Variants in NFASC observed in about 807,000 individuals in gnomAD.
NFASC encodes neurofascin.
A neutral mutation model predicts 147.5 loss-of-function variants in NFASC; 43 were observed. The ratio of observed to expected loss-of-function variants is 0.29; its 90% CI spans 0.23 to 0.38. The LOEUF (loss-of-function observed/expected upper bound fraction) is 0.38, where lower values mean the gene tolerates loss of function less well. Among genes scored for constraint, NFASC ranks in the 10% least tolerant of loss-of-function variants. The pLI is 1.00. For synonymous variants in NFASC, 622 were observed against 665.5 expected (o/e 0.93, Z 1.01); for missense variants, 1,320 against 1,689.0 (o/e 0.78, Z 3.83).
intron 1 of NFASC, among the ~76,000 whole-genome samples, chr1:204,837,734 C>T (rs1054182157): frequency 1.3e-5 from 2 of 151,988 alleles, no homozygotes; most frequent in Non-Finnish European, 2.9e-5. Flanking sequence ...AAAGTAACGC[C>T]GGGGAATGCT....
intron 2 of NFASC, among the ~76,000 whole-genome samples, chr1:204,943,557 C>T (rs942255206): frequency 2.6e-5 from 4 of 152,332 alleles, no homozygotes; most frequent in South Asian, 2.1e-4. Flanking sequence ...AAAATACTTG[C>T]AGAAATCATT....
chr1:204,959,305 G>A (rs1388897107), intron 8 of NFASC, among the ~76,000 whole-genome samples: 1 of 152,156 alleles, frequency 6.6e-6, no homozygotes, highest in East Asian at 1.9e-4. Flanking sequence ...CAAGCCCCTC[G>A]AGTTCCTGGC....
At chr1:204,994,455 C>T (rs775651492) in intron 24 of NFASC, among the ~76,000 whole-genome samples, 196 of 152,286 alleles carry the variant, frequency 1.3e-3, no homozygotes, top group Admixed American at 9.8e-4. Context: ...GTGCCCCCAG[C>T]TATGGCCCTG....
chr1:204,878,342 A>G (rs911583781), intron 1 of NFASC, among the ~76,000 whole-genome samples: 1 of 152,174 alleles, frequency 6.6e-6, no homozygotes, highest in African/African-American at 2.4e-5. Context: ...CACCAACTAA[A>G]TATTAGTAAA....
At chr1:204,966,102 G>C (rs895103505) in intron 8 of NFASC, among the ~76,000 whole-genome samples, 4 of 152,006 alleles carry the variant, frequency 2.6e-5, no homozygotes, top group African/African-American at 7.3e-5. Flanking sequence ...TTGAACTTTG[G>C]CTTGTTTCCA....
chr1:204,977,660 T>G, intron 16 of NFASC, 21 bp from the exon 17 acceptor site: 2 of 1,606,658 alleles, frequency 1.2e-6, no homozygotes, highest in Non-Finnish European at 1.7e-6. Context: ...CTAACCTGGA[T>G]AACCCGTCTT....
intron 22 of NFASC, among the ~76,000 whole-genome samples, chr1:204,988,419 TGAA>T (rs2095658730): frequency 6.6e-6 from 1 of 152,200 alleles, no homozygotes; most frequent in Non-Finnish European, 1.5e-5. Flanking sequence ...ACAGGATCAG[TGAA>T]GAAGGATTAA....
intron 27 of NFASC, among the ~76,000 whole-genome samples, chr1:205,008,262 G>C (rs530533917): frequency 6.6e-6 from 1 of 152,316 alleles, no homozygotes; most frequent in South Asian, 2.1e-4. Context: ...AGGAGCAAAG[G>C]GTGGGCTTGC....
intron 1 of NFASC, among the ~76,000 whole-genome samples, chr1:204,861,630 C>T (rs546310111): frequency 5.9e-5 from 9 of 152,290 alleles, no homozygotes; most frequent in South Asian, 4.1e-4. Context: ...GCTGGGACTA[C>T]AGGCTCCTGC....
At position 204,975,695 on chromosome 1, in the gene NFASC, C is replaced by G. The variant is rs138096055; in HGVS notation, c.1706+277C>G. Among the ~76,000 whole-genome samples the G allele has an allele frequency of 4.6e-5, 7 of 152,266 alleles. No individual in the cohort carries two copies. Among genetic ancestry groups the G allele is most frequent in the Admixed American group, 1.3e-4 (2 of 15,302 alleles). On this transcript the variant is annotated intron_variant, in intron 15 of 29. Transcript: ENST00000339876. The surrounding 1 kb of genome is among the most constrained non-coding windows in gnomAD (Gnocchi z 4.0). ...TCTTCTCAATCTCTTCACTTCTCCTCTCCCTGTCTCCCCTCACTTCGCCTC... is the reference window on the plus strand; with the variant it reads ...TCTTCTCAATCTCTTCACTTCTCCTGTCCCTGTCTCCCCTCACTTCGCCTC...
At chr1:204,836,101 T>C (rs1331382660) in intron 1 of NFASC, among the ~76,000 whole-genome samples, 1 of 152,172 alleles carries the variant, frequency 6.6e-6, no homozygotes, top group Non-Finnish European at 1.5e-5. Flanking sequence ...CACTCTTTTC[T>C]TTATATTACT....
intron 1 of NFASC, among the ~76,000 whole-genome samples, chr1:204,912,280 C>T (rs2087754699): frequency 6.6e-6 from 1 of 151,896 alleles, no homozygotes; most frequent in South Asian, 2.1e-4. Context: ...TTATAAACTT[C>T]CCCTTAGCAG....
At chr1:204,923,430 A>T (rs1348827051) in intron 2 of NFASC, among the ~76,000 whole-genome samples, 2 of 151,930 alleles carry the variant, frequency 1.3e-5, no homozygotes, top group Admixed American at 6.5e-5. Context: ...GTCACCTCCC[A>T]TCACGGGAAG....
chr1:204,900,519 G>A (rs1197393827), intron 1 of NFASC, among the ~76,000 whole-genome samples: 1 of 152,134 alleles, frequency 6.6e-6, no homozygotes, highest in Non-Finnish European at 1.5e-5. Flanking sequence ...TAAATGCAGG[G>A]GATATAGCAG....
intron 1 of NFASC, among the ~76,000 whole-genome samples, chr1:204,871,794 G>A (rs775403436): frequency 2.6e-5 from 4 of 152,306 alleles, no homozygotes; most frequent in African/African-American, 7.2e-5. Context: ...GCCCACACAG[G>A]CTTATGTCAC....
At chr1:204,884,016 G>C (rs1348357998) in intron 1 of NFASC, among the ~76,000 whole-genome samples, 1 of 152,292 alleles carries the variant, frequency 6.6e-6, no homozygotes, top group South Asian at 2.1e-4. Flanking sequence ...TCGACATCTT[G>C]GTTTTTCCCT....
chr1:204,915,809 G>T (rs1223106027), intron 1 of NFASC, among the ~76,000 whole-genome samples: 1 of 152,174 alleles, frequency 6.6e-6, no homozygotes, highest in East Asian at 1.9e-4. Context: ...GGAATTCCAA[G>T]ATGAGAAAGT....
In NFASC at chr1:204,968,418, C is replaced by T. The variant is rs1573899454; in HGVS notation, c.818+58C>T. On this transcript the variant is annotated intron_variant, in intron 9 of 29. Transcript: ENST00000339876. The surrounding 1 kb of genome is among the most constrained non-coding windows in gnomAD (Gnocchi z 5.4). ...CCCTCCAGGAGGATGGGGATGGGAG[C>T]TTGTTCATGCTCTTGTTAATGCCAC... The T allele has an allele frequency of 7.9e-7, 1 of 1,266,996 alleles. No homozygotes were observed. The highest frequency in any genetic ancestry group is 1.2e-5 in the South Asian group (1 of 83,078). The allele number at this position is 1,266,996 out of a possible 1,614,324, so 78.5% of individuals were successfully genotyped here.
At chr1:204,910,720 C>A (rs2087223243) in intron 1 of NFASC, among the ~76,000 whole-genome samples, 1 of 151,984 alleles carries the variant, frequency 6.6e-6, no homozygotes, top group African/African-American at 2.4e-5. Flanking sequence ...CCAGGCTGGT[C>A]TTGAACACCT....
Sources: gnomAD v4.1 joint callset for allele counts (sites outside exome capture counted in the v4.1 genomes callset) on GRCh38, gnomAD v4.1.1 for gene constraint, Gnocchi (gnomAD v3.1) non-coding constraint, MANE v1.5 for transcripts, NCBI Gene and HGNC (gene_info 2026-07-23, HGNC 2026-07-21) for gene names.